The following PLCB1 variants were observed in gnomAD, a reference collection of about 807,000 sequenced individuals.
The protein encoded by PLCB1 is phospholipase C beta 1.
A neutral mutation model predicts 161.8 loss-of-function variants in PLCB1; 46 were observed. The ratio of observed to expected loss-of-function variants is 0.28; its 90% CI spans 0.22 to 0.36. PLCB1 has a LOEUF of 0.36. Ranked by LOEUF, PLCB1 falls within the 10% of genes least tolerant of loss-of-function variation. PLCB1 has a pLI of 1.00. For synonymous variants in PLCB1, 517 were observed against 503.7 expected, an observed-to-expected ratio of 1.03 and a Z score of -0.35; for missense variants, 1,016 against 1,472.5, an observed-to-expected ratio of 0.69 and a Z score of 5.07.
intron 3 of PLCB1, among the ~76,000 whole-genome samples, chr20:8,567,127 T>G (rs1986361773): frequency 6.6e-6 from 1 of 152,148 alleles, no homozygotes; most frequent in African/African-American, 2.4e-5. Context: ...GGCACTGGCC[T>G]CACAAACACT....
chr20:8,609,260 A>G (rs1194484892), intron 3 of PLCB1, among the ~76,000 whole-genome samples: 2 of 152,198 alleles, frequency 1.3e-5, no homozygotes, highest in African/African-American at 4.8e-5. Flanking sequence ...ACATCAACCT[A>G]ATAGATTGAC....
At chr20:8,479,247 T>G (rs1043889885) in intron 3 of PLCB1, among the ~76,000 whole-genome samples, 2 of 152,210 alleles carry the variant, frequency 1.3e-5, no homozygotes, top group African/African-American at 4.8e-5. Flanking sequence ...GCCATCAAAG[T>G]GTACATTTTT....
intron 10 of PLCB1, among the ~76,000 whole-genome samples, chr20:8,693,658 A>G (rs926098383): frequency 3.3e-5 from 5 of 152,230 alleles, no homozygotes; most frequent in Admixed American, 1.3e-4. Flanking sequence ...GAAGACAATA[A>G]TGATAAATAT....
Position 8,567,810 on chromosome 20 carries a change from A to T in PLCB1, c.247-60484A>T, listed in dbSNP as rs535337310. 2.6e-5 allele frequency among the ~76,000 whole-genome samples: 4 copies of T among 152,278 alleles called. No individual in the cohort carries two copies. In the South Asian group the frequency reaches 8.3e-4, roughly 32 times the overall value. On this transcript the variant is annotated intron_variant, in intron 3 of 31. Transcript: ENST00000338037. The stretch of plus-strand genomic sequence containing the variant: ...GTTCCTTCTCTACTTAAAAGCAACC[A>T]ATGTTGAAATGTCCATTTGAAGTTG...
At chr20:8,875,878 T>A (rs1466957035) in intron 31 of PLCB1, among the ~76,000 whole-genome samples, 1 of 148,168 alleles carries the variant, frequency 6.7e-6, no homozygotes, top group Non-Finnish European at 1.5e-5. Context: ...CCTTCAAGAG[T>A]AACTTTGCTT....
intron 2 of PLCB1, among the ~76,000 whole-genome samples, chr20:8,298,946 G>A (rs1983762313): frequency 6.6e-6 from 1 of 152,062 alleles, no homozygotes; most frequent in South Asian, 2.1e-4. Context: ...GACATAGACA[G>A]GTAGGTATTA....
At chr20:8,143,628 A>T (rs966792307) in intron 1 of PLCB1, among the ~76,000 whole-genome samples, 3 of 152,248 alleles carry the variant, frequency 2.0e-5, no homozygotes, top group South Asian at 2.1e-4. Flanking sequence ...TATTTATGAC[A>T]AGTGGGATTT....
At chr20:8,524,401 A>G (rs1291693747) in intron 3 of PLCB1, among the ~76,000 whole-genome samples, 1 of 152,126 alleles carries the variant, frequency 6.6e-6, no homozygotes, top group Non-Finnish European at 1.5e-5. Context: ...CAGGATACCT[A>G]AGCCTAGGTC....
At chr20:8,291,190 A>G (rs2123302321) in intron 2 of PLCB1, among the ~76,000 whole-genome samples, 1 of 152,292 alleles carries the variant, frequency 6.6e-6, no homozygotes. Flanking sequence ...GCAAAAGAGG[A>G]ATAAAATAGT....
chr20:8,875,393 T>C (rs1987742963), intron 31 of PLCB1, among the ~76,000 whole-genome samples: 2 of 148,112 alleles, frequency 1.4e-5, no homozygotes, highest in Admixed American at 6.8e-5. Context: ...TACAAAGTGG[T>C]ATATATACTA....
intron 23 of PLCB1, among the ~76,000 whole-genome samples, chr20:8,756,316 G>A (rs1981735228): frequency 6.6e-6 from 1 of 152,208 alleles, no homozygotes; most frequent in African/African-American, 2.4e-5. Context: ...AGCACAGAGA[G>A]TTAAGTGAAC....
chr20:8,649,565 G>C (rs1392789472), intron 7 of PLCB1, 116 bp downstream of exon 7: 1 of 724,906 alleles, frequency 1.4e-6, no homozygotes, highest in East Asian at 2.5e-5. Context: ...GAAATTAAGA[G>C]CTTCCATGAT....
chr20:8,345,430 G>A (rs1333841038), intron 2 of PLCB1, among the ~76,000 whole-genome samples: 1 of 152,138 alleles, frequency 6.6e-6, no homozygotes, highest in Non-Finnish European at 1.5e-5. Context: ...TATTTTTGAT[G>A]ATGTTCATGT....
At chr20:8,790,630 T>C (rs1347397282) in intron 31 of PLCB1, among the ~76,000 whole-genome samples, 2 of 152,184 alleles carry the variant, frequency 1.3e-5, no homozygotes, top group East Asian at 3.9e-4. Context: ...GCTGATGTAA[T>C]GTTGTAATGC....
chr20:8,181,248 C>CA lies in PLCB1; in HGVS notation c.177+30898dup, dbSNP rs60871672. 4.9e-3 allele frequency among the ~76,000 whole-genome samples: 398 copies of CA among 80,582 alleles called. 1 individual carries two copies. Among genetic ancestry groups the CA allele is most frequent in the East Asian group, 7.2e-3 (15 of 2,078 alleles). 52.9% of individuals were successfully genotyped at this position (80,582 alleles called of 152,430 possible). A position where few individuals can be genotyped will look rare whatever the true frequency, so the allele number is the denominator to read the frequency against. ...TGGCCGATAGAATGAGACTCTGTCTCAAAAAAAAAAAAAAAAAAAAAGAAT... is the reference window on the plus strand; with the variant it reads ...TGGCCGATAGAATGAGACTCTGTCTCAAAAAAAAAAAAAAAAAAAAAAGAAT... On this transcript the variant is annotated intron_variant, in intron 2 of 31. Coordinates refer to ENST00000338037, the MANE Select transcript of PLCB1 (RefSeq NM_015192.4).
intron 3 of PLCB1, among the ~76,000 whole-genome samples, chr20:8,481,439 G>A (rs1167967303): frequency 6.6e-6 from 1 of 152,102 alleles, no homozygotes; most frequent in Non-Finnish European, 1.5e-5. Flanking sequence ...TCTTCTATTT[G>A]TAAATGATTA....
intron 3 of PLCB1, among the ~76,000 whole-genome samples, chr20:8,459,258 G>A (rs1981463753): frequency 6.6e-6 from 1 of 152,222 alleles, no homozygotes; most frequent in African/African-American, 2.4e-5. Flanking sequence ...TAATTGTATT[G>A]AGTCTGAATG....
In PLCB1 at chr20:8,703,461, G is replaced by A. The variant is rs943772850; in HGVS notation, c.1168-5209G>A. 5.3e-5 allele frequency among the ~76,000 whole-genome samples: 8 copies of A among 152,138 alleles called. 1 individual carries two copies. In the South Asian group the frequency reaches 1.7e-3, roughly 32 times the overall value. ...TAAGGCTAACATGGTAGAAGGTGTG[G>A]GCATCCTCTACGCTCAACCCATGGC... On this transcript the variant is annotated intron_variant, in intron 11 of 31. Coordinates refer to ENST00000338037, the MANE Select transcript of PLCB1 (RefSeq NM_015192.4).
At chr20:8,480,754 T>A (rs562763550) in intron 3 of PLCB1, among the ~76,000 whole-genome samples, 2 of 152,286 alleles carry the variant, frequency 1.3e-5, no homozygotes, top group South Asian at 4.1e-4. Context: ...CATGGTGTTA[T>A]AAGCAGACTT....
Sources: allele counts gnomAD v4.1 joint callset (sites outside exome capture counted in the v4.1 genomes callset), GRCh38; gene constraint gnomAD v4.1.1; transcripts MANE v1.5; gene names NCBI Gene and HGNC (gene_info 2026-07-23, HGNC 2026-07-21).